The following LRRC4C variants were observed in gnomAD, a reference collection of about 807,000 sequenced individuals.
LRRC4C encodes leucine-rich repeat-containing protein 4C.
LRRC4C carries 5 observed loss-of-function variants against 33.6 expected under a neutral mutation model. The ratio of observed to expected loss-of-function variants is 0.15; its 90% CI spans 0.08 to 0.31. The LOEUF is 0.31. Ranked by LOEUF, LRRC4C falls within the 10% of genes least tolerant of loss-of-function variation. The pLI, the probability that LRRC4C is intolerant of heterozygous loss-of-function variation, is 1.00. For missense variants in LRRC4C, 560 were observed against 796.7 expected (o/e 0.70, Z 3.58); for synonymous variants, 329 against 302.0 (o/e 1.09, Z -0.93).
chr11:40,360,158 A>G (rs1947881819), intron 3 of LRRC4C, among the ~76,000 whole-genome samples: 1 of 152,228 alleles, frequency 6.6e-6, no homozygotes, highest in South Asian at 2.1e-4. Context: ...TCTTTGAAAG[A>G]AGGTAAACAA....
rs75071909 is a variant in LRRC4C, at chr11:40,648,130, C to T, written c.-270+12G>A. ...AAGGATTCTAATGGAAAAAATTATA[C>T]CTCTCACTTACCTGTAGCAAATTGT... On this transcript the variant is annotated intron_variant, in intron 3 of 6. Transcript: ENST00000528697. 10 of 152,266 alleles carry T rather than the reference C, an allele frequency of 6.6e-5. No individual in the cohort carries two copies. The East Asian group carries it at 1.5e-3, about 24-fold the overall frequency. The allele number at this position is 152,266 out of a possible 1,614,324, so 9.4% of individuals were successfully genotyped here. A position where few individuals can be genotyped will look rare whatever the true frequency, so the allele number is the denominator to read the frequency against.
At chr11:41,049,292 C>T (rs1464347050) in intron 1 of LRRC4C, among the ~76,000 whole-genome samples, 2 of 152,074 alleles carry the variant, frequency 1.3e-5, no homozygotes, top group Non-Finnish European at 2.9e-5. Context: ...TGCCTGCCAC[C>T]ATGTAAAACA....
At chr11:40,357,246 T>C (rs1282265140) in intron 3 of LRRC4C, among the ~76,000 whole-genome samples, 1 of 152,160 alleles carries the variant, frequency 6.6e-6, no homozygotes, top group African/African-American at 2.4e-5. Context: ...TTATTAAAAA[T>C]ATGGTTATAT....
chr11:41,272,639 G>T (rs1157006800), intron 1 of LRRC4C, among the ~76,000 whole-genome samples: 3 of 152,010 alleles, frequency 2.0e-5, no homozygotes, highest in Non-Finnish European at 4.4e-5. Flanking sequence ...TAAAAAAACT[G>T]CTTAATACCG....
At chr11:40,719,340 T>G (rs1341590766) in intron 2 of LRRC4C, among the ~76,000 whole-genome samples, 4 of 152,160 alleles carry the variant, frequency 2.6e-5, no homozygotes, top group Non-Finnish European at 5.9e-5. Context: ...ATGACAAAAG[T>G]CAATTGTTCA....
chr11:40,580,392 C>G (rs1262995990), intron 3 of LRRC4C, among the ~76,000 whole-genome samples: 1 of 152,046 alleles, frequency 6.6e-6, no homozygotes, highest in Non-Finnish European at 1.5e-5. Context: ...GGAAACTGTT[C>G]CCGTGATCAA....
At chr11:40,710,341 G>A (rs79751609) in intron 2 of LRRC4C, among the ~76,000 whole-genome samples, 1 of 152,048 alleles carries the variant, frequency 6.6e-6, no homozygotes, top group African/African-American at 2.4e-5. Flanking sequence ...TCTACCTTTG[G>A]TCTTTGATGA....
At chr11:40,556,457 G>T (rs1957336756) in intron 3 of LRRC4C, among the ~76,000 whole-genome samples, 1 of 152,170 alleles carries the variant, frequency 6.6e-6, no homozygotes, top group African/African-American at 2.4e-5. Flanking sequence ...AAAAATGTCT[G>T]GTCCATAGCC....
chr11:40,243,686 TC>T (rs1487254987), intron 4 of LRRC4C, among the ~76,000 whole-genome samples: 1,780 of 144,388 alleles, frequency 0.012, 36 homozygotes, highest in African/African-American at 0.042. Context: ...AAAACTTATA[TC>T]TTTTTTTTTT....
intron 1 of LRRC4C, among the ~76,000 whole-genome samples, chr11:41,194,832 T>G (rs1946113860): frequency 6.6e-6 from 1 of 152,124 alleles, no homozygotes; most frequent in Non-Finnish European, 1.5e-5. Flanking sequence ...TTCACCACAT[T>G]TATAGTAATA....
At chr11:41,301,009 T>C (rs895941265) in intron 1 of LRRC4C, among the ~76,000 whole-genome samples, 1 of 152,226 alleles carries the variant, frequency 6.6e-6, no homozygotes, top group African/African-American at 2.4e-5. Context: ...TTTTAAAATT[T>C]TTGTTTGGAT....
intron 1 of LRRC4C, among the ~76,000 whole-genome samples, chr11:41,350,379 G>A (rs1048820473): frequency 5.3e-4 from 80 of 151,628 alleles, no homozygotes; most frequent in Non-Finnish European, 1.0e-3. Flanking sequence ...GCGTTGTGGC[G>A]GGCGCCTGTA....
intron 6 of LRRC4C, among the ~76,000 whole-genome samples, chr11:40,117,038 C>G (rs908890978): frequency 6.6e-6 from 1 of 152,078 alleles, no homozygotes; most frequent in African/African-American, 2.4e-5. Flanking sequence ...GTAGGAATTG[C>G]CATTCTTTTC....
rs554348955 is a variant in LRRC4C, at chr11:40,525,878, G to A, written c.-270+122264C>T. ...TAACTAAGACAAGGTGGTATTGGTCGAAGTGTAGACTGATAGACCAGTGGA... is the reference window on the plus strand; with the variant it reads ...TAACTAAGACAAGGTGGTATTGGTCAAAGTGTAGACTGATAGACCAGTGGA... On this transcript the variant is annotated intron_variant, in intron 3 of 6. Transcript: ENST00000528697. Among the ~76,000 whole-genome samples, 70 of 152,254 alleles carry A rather than the reference G, an allele frequency of 4.6e-4. 2 individuals are homozygous for A. Among genetic ancestry groups the A allele is most frequent in the Admixed American group, 2.9e-3 (44 of 15,294 alleles).
intron 2 of LRRC4C, among the ~76,000 whole-genome samples, chr11:40,767,628 C>T (rs1467734528): frequency 1.3e-5 from 2 of 152,036 alleles, no homozygotes; most frequent in Non-Finnish European, 2.9e-5. Context: ...CAAGTATCTT[C>T]TCTGACCACA....
chr11:41,223,081 C>T (rs528823525), intron 1 of LRRC4C: 3 of 152,172 alleles, frequency 2.0e-5, no homozygotes, highest in East Asian at 3.9e-4. Flanking sequence ...CATTAAAAAA[C>T]GCTAGCTATG....
chr11:40,396,865 A>T (rs888692828), intron 3 of LRRC4C, among the ~76,000 whole-genome samples: 1 of 152,144 alleles, frequency 6.6e-6, no homozygotes, highest in Non-Finnish European at 1.5e-5. Flanking sequence ...AAAAAGAAAT[A>T]TAAGATTCCC....
At chr11:41,411,140 C>CTTTTTTTT (rs1249968357) in intron 1 of LRRC4C, among the ~76,000 whole-genome samples, 7 of 49,914 alleles carry the variant, frequency 1.4e-4, no homozygotes, top group East Asian at 8.7e-4. Context: ...GGTTGGTACC[C>CTTTTTTTT]TATTTTTTTT....
chr11:40,638,994 G>C (rs1941948253), intron 3 of LRRC4C, among the ~76,000 whole-genome samples: 1 of 151,990 alleles, frequency 6.6e-6, no homozygotes, highest in Non-Finnish European at 1.5e-5. Flanking sequence ...CTCCGAAGTT[G>C]GTGGCCCTTT....
Sources: gnomAD v4.1 joint callset for allele counts (sites outside exome capture counted in the v4.1 genomes callset) on GRCh38, gnomAD v4.1.1 for gene constraint, MANE v1.5 for transcripts, NCBI Gene and HGNC (gene_info 2026-07-23, HGNC 2026-07-21) for gene names.